GLMN: variants seen among roughly 807,000 people sequenced by gnomAD.
GLMN encodes the protein glomulin.
A neutral mutation model predicts 87.8 loss-of-function variants in GLMN; 75 were observed. That is an observed-to-expected ratio of 0.85 (90% CI 0.71 to 1.04). GLMN has a LOEUF of 1.04. Among genes scored for constraint, GLMN ranks in the 50% least tolerant of loss-of-function variants. The probability of loss-of-function intolerance (pLI) is 0.00; values close to 1 mark genes in which losing one functional copy is unlikely to be tolerated. For missense variants in GLMN, 588 were observed against 658.8 expected, an observed-to-expected ratio of 0.89 and a Z score of 1.18; for synonymous variants, 206 against 221.6, an observed-to-expected ratio of 0.93 and a Z score of 0.63.
the GLMN span, among the ~76,000 whole-genome samples, chr1:92,322,942 T>C: frequency 2.7e-5 from 4 of 147,610 alleles, no homozygotes; most frequent in Non-Finnish European, 4.5e-5. Context: ...ATACTTTATA[T>C]ATTATATATA....
At chr1:92,328,364 T>A in the GLMN span, among the ~76,000 whole-genome samples, 1 of 152,252 alleles carries the variant, frequency 6.6e-6, no homozygotes, top group African/African-American at 2.4e-5. Context: ...AATTCTTTTT[T>A]CTTTGTTGGA....
the GLMN span, among the ~76,000 whole-genome samples, chr1:92,339,940 G>T: frequency 1.3e-5 from 2 of 152,144 alleles, no homozygotes; most frequent in Non-Finnish European, 2.9e-5. Context: ...TAGATTAGCA[G>T]TAGTGTTGAA....
chr1:92,354,730 A>G, the GLMN span, among the ~76,000 whole-genome samples: 1 of 152,074 alleles, frequency 6.6e-6, no homozygotes, highest in East Asian at 1.9e-4. Flanking sequence ...TGGAAAGTTC[A>G]TAGTGACATA....
At chr1:92,276,143 T>G (rs939739154) in intron 7 of GLMN, among the ~76,000 whole-genome samples, 18 of 152,124 alleles carry the variant, frequency 1.2e-4, no homozygotes, top group African/African-American at 4.1e-4. Context: ...GAAGGATCAC[T>G]TGAGCCTGGG....
chr1:92,286,710 T>A, intron 6 of GLMN, 118 bp from the exon 7 acceptor site: 1 of 695,108 alleles, frequency 1.4e-6, no homozygotes, highest in Non-Finnish European at 2.6e-6. Flanking sequence ...ATGGTTTGAA[T>A]GACTCTGCTC....
At chr1:92,274,342 AG>A (rs924351301) in intron 7 of GLMN, among the ~76,000 whole-genome samples, 1 of 152,182 alleles carries the variant, frequency 6.6e-6, no homozygotes, top group Non-Finnish European at 1.5e-5. Flanking sequence ...TGTTGGGTAG[AG>A]GAGTACAGGT....
chr1:92,255,936 G>A (rs897341379), intron 16 of GLMN, among the ~76,000 whole-genome samples: 47 of 151,908 alleles, frequency 3.1e-4, no homozygotes, highest in Non-Finnish European at 8.8e-5. Flanking sequence ...AGATAGAGAC[G>A]CAAAAAACCC....
chr1:92,299,060 G>T, upstream of GLMN: 1 of 1,462,570 alleles, frequency 6.8e-7, no homozygotes, highest in Non-Finnish European at 9.1e-7. Flanking sequence ...CCGTCCGGCA[G>T]ACTACTCTCC....
chr1:92,268,200 T>C, intron 9 of GLMN, 65 bp from the exon 10 acceptor site: 1 of 880,490 alleles, frequency 1.1e-6, no homozygotes, highest in Non-Finnish European at 1.9e-6. Flanking sequence ...CTTCATCTTA[T>C]GAAAAATACA....
the GLMN span, chr1:92,345,988 C>T: frequency 1.9e-6 from 2 of 1,068,648 alleles, no homozygotes; most frequent in Non-Finnish European, 2.8e-6. Flanking sequence ...CAAAGTGATC[C>T]ACTGATTTTG....
chr1:92,303,513 G>A (rs1463994767), upstream of GLMN, among the ~76,000 whole-genome samples: 2 of 152,048 alleles, frequency 1.3e-5, no homozygotes, highest in African/African-American at 4.8e-5. Context: ...CACAAACTGT[G>A]TTCTGCAGTA....
chr1:92,305,023 T>C, the GLMN span, among the ~76,000 whole-genome samples: 2 of 151,966 alleles, frequency 1.3e-5, no homozygotes, highest in African/African-American at 2.4e-5. Flanking sequence ...TAGTCCCAGC[T>C]ACTCAGAAAG....
At chr1:92,300,189 T>C (rs1158921940), upstream of GLMN, 1 of 1,602,118 alleles carries the variant, frequency 6.2e-7, no homozygotes, top group African/African-American at 1.3e-5. Flanking sequence ...GTATTTTTAT[T>C]GTAGGTACTA....
the GLMN span, among the ~76,000 whole-genome samples, chr1:92,360,674 T>C: frequency 1.5e-3 from 229 of 152,286 alleles, no homozygotes; most frequent in African/African-American, 5.2e-3. Context: ...TTCCTACATA[T>C]CTGCAACATA....
chr1:92,280,647 G>C (rs1334871902), intron 7 of GLMN, among the ~76,000 whole-genome samples: 1 of 152,168 alleles, frequency 6.6e-6, no homozygotes, highest in African/African-American at 2.4e-5. Context: ...GGCTTCGGAA[G>C]GTCGGTAATA....
chr1:92,330,822 A>C, the GLMN span, among the ~76,000 whole-genome samples: 1 of 152,222 alleles, frequency 6.6e-6, no homozygotes, highest in African/African-American at 2.4e-5. Context: ...AGACTAATAC[A>C]GTGCTTACTA....
At chr1:92,280,394 TAACA>T (rs1302897669) in intron 7 of GLMN, among the ~76,000 whole-genome samples, 2 of 152,070 alleles carry the variant, frequency 1.3e-5, no homozygotes, top group Non-Finnish European at 2.9e-5. Flanking sequence ...GAAGGAAAAC[TAACA>T]AACAGAAAGG....
At position 92,289,123 on chromosome 1, in the gene GLMN, A is replaced by AT; in HGVS notation, c.422dup (p.Tyr141Ter). Residue 141 changes from tyrosine to a stop codon, truncating the protein, a stop_gained and frameshift_variant, in exon 6 of 19, where the codon TAT becomes TAAT. Transcript: ENST00000370360. LOFTEE classifies it high-confidence loss of function. ...GGGTAGACAATGCTAATCCAATTGA[A>AT]TATGCCTTGTTATGAAGTTTCTGAA... ...TVIQKLHNKA[Y>*]SIGLALSTLW... The AT allele has an allele frequency of 3.1e-6, 5 of 1,604,546 alleles. No individual in the cohort carries two copies. The highest frequency in any genetic ancestry group is 4.3e-6 in the Non-Finnish European group (5 of 1,171,286).
At chr1:92,308,922 T>C in the GLMN span, among the ~76,000 whole-genome samples, 46 of 151,992 alleles carry the variant, frequency 3.0e-4, no homozygotes, top group Admixed American at 5.2e-4. Context: ...ATCGTGCTGC[T>C]GAACTCTAGC....
Sources: allele counts gnomAD v4.1 joint callset (sites outside exome capture counted in the v4.1 genomes callset), GRCh38; gene constraint gnomAD v4.1.1; transcripts MANE v1.5; gene names NCBI Gene and HGNC (gene_info 2026-07-23, HGNC 2026-07-21).